Variants in CCL28 observed in about 807,000 individuals in gnomAD.
The protein encoded by CCL28 is C-C motif chemokine 28.
Under a neutral mutation model 7.1 loss-of-function variants are expected in CCL28, and 4 were observed. The observed-to-expected ratio is 0.56, with a 90% CI of 0.28 to 1.29. CCL28 has a LOEUF of 1.29. CCL28 is among the 50% of genes most tolerant of loss of function. The pLI is 0.11. For missense variants in CCL28, 151 were observed against 163.4 expected, an observed-to-expected ratio of 0.92 and a Z score of 0.41; for synonymous variants, 55 against 57.8, an observed-to-expected ratio of 0.95 and a Z score of 0.22.
the CCL28 span, among the ~76,000 whole-genome samples, chr5:43,369,432 T>C: frequency 9.6e-4 from 145 of 151,370 alleles, 1 homozygote; most frequent in Non-Finnish European, 1.8e-3. Context: ...TTTCTTTTCT[T>C]TTCTGTTTTT....
chr5:43,370,009 C>CA, the CCL28 span, among the ~76,000 whole-genome samples: 1 of 152,120 alleles, frequency 6.6e-6, no homozygotes, highest in Non-Finnish European at 1.5e-5. Flanking sequence ...CCTGTGATCC[C>CA]AGCACCCTGT....
At chr5:43,357,684 G>C in the CCL28 span, among the ~76,000 whole-genome samples, 12 of 151,922 alleles carry the variant, frequency 7.9e-5, no homozygotes, top group East Asian at 1.5e-3. Flanking sequence ...TGAAAGAAAG[G>C]GGGGGAAAAA....
the CCL28 span, among the ~76,000 whole-genome samples, chr5:43,366,653 C>T: frequency 2.9e-3 from 442 of 152,344 alleles, no homozygotes; most frequent in Non-Finnish European, 5.1e-3. Context: ...GCAGTCTGTC[C>T]CTTAGCAGAG....
the CCL28 span, among the ~76,000 whole-genome samples, chr5:43,365,096 C>T: frequency 6.6e-6 from 1 of 151,222 alleles, no homozygotes; most frequent in African/African-American, 2.4e-5. Flanking sequence ...CCTCTGACTC[C>T]CTGGTTCAAG....
chr5:43,377,583 T>C (rs1739931167), downstream of CCL28: 1 of 151,060 alleles, frequency 6.6e-6, no homozygotes, highest in Non-Finnish European at 1.5e-5. Context: ...TATTGAAAGT[T>C]ACAGAGATAA....
intron 1 of CCL28, among the ~76,000 whole-genome samples, chr5:43,398,928 G>C (rs6862588): frequency 0.12 from 17,617 of 152,116 alleles, 2,161 homozygotes; most frequent in African/African-American, 0.31. Context: ...TTAGCATTCT[G>C]AAAGTGCCAT....
intron 1 of CCL28, among the ~76,000 whole-genome samples, chr5:43,400,119 T>C (rs986322146): frequency 6.6e-6 from 1 of 152,174 alleles, no homozygotes; most frequent in African/African-American, 2.4e-5. Flanking sequence ...GTGCTAGGAT[T>C]ATAGGCATGA....
chr5:43,365,665 T>C, the CCL28 span, among the ~76,000 whole-genome samples: 5 of 152,212 alleles, frequency 3.3e-5, no homozygotes, highest in African/African-American at 1.2e-4. Context: ...AGAGTATCTT[T>C]CTGGTGTTCT....
At chr5:43,403,706 T>G (rs1487948172) in intron 1 of CCL28, among the ~76,000 whole-genome samples, 1 of 152,110 alleles carries the variant, frequency 6.6e-6, no homozygotes, top group Non-Finnish European at 1.5e-5. Flanking sequence ...ATGATCAAAC[T>G]ACTCCGAGCT....
chr5:43,367,656 C>A, the CCL28 span, among the ~76,000 whole-genome samples: 1 of 151,176 alleles, frequency 6.6e-6, no homozygotes, highest in Admixed American at 6.6e-5. Context: ...CTGGGAGATG[C>A]AGGCCCCACC....
intron 1 of CCL28, among the ~76,000 whole-genome samples, chr5:43,388,900 C>T (rs1305381814): frequency 6.6e-6 from 1 of 152,164 alleles, no homozygotes; most frequent in East Asian, 1.9e-4. Context: ...ATAATCTGTC[C>T]TTGTGATGCT....
chr5:43,379,122 G>A (rs530401416), downstream of CCL28: 2 of 152,176 alleles, frequency 1.3e-5, no homozygotes, highest in Admixed American at 1.3e-4. Context: ...TAGAATTGCA[G>A]ATCGATCTAG....
chr5:43,357,386 A>G, the CCL28 span, among the ~76,000 whole-genome samples: 1 of 152,218 alleles, frequency 6.6e-6, no homozygotes, highest in Admixed American at 6.5e-5. Flanking sequence ...TATACAGCAG[A>G]CCATCGTAAT....
rs938639226 is a variant in CCL28 at position 43,381,069 on chromosome 5, A to T, written c.*791T>A. ...AATGTCTTTATTTTAGGGTATGTCA[A>T]GTTATAACACCAAAAAGAAACTAGG... On this transcript the variant is annotated 3_prime_UTR_variant, in exon 3 of 3. Transcript: ENST00000361115. 6.6e-6 allele frequency: 1 copy of T among 150,520 alleles called. No individual in the cohort carries two copies. Among genetic ancestry groups the T allele is most frequent in the South Asian group, 2.1e-4 (1 of 4,796 alleles). 9.3% of individuals were successfully genotyped at this position (150,520 alleles called of 1,614,324 possible).
At chr5:43,410,229 A>G (rs1741481303) in intron 1 of CCL28, among the ~76,000 whole-genome samples, 1 of 152,076 alleles carries the variant, frequency 6.6e-6, no homozygotes, top group Admixed American at 6.5e-5. Flanking sequence ...CCCTCCCTGG[A>G]GCCAGAATCA....
At chr5:43,393,889 C>T (rs1410436504) in intron 1 of CCL28, among the ~76,000 whole-genome samples, 1 of 152,106 alleles carries the variant, frequency 6.6e-6, no homozygotes, top group East Asian at 1.9e-4. Flanking sequence ...AAGGTGTGAC[C>T]CTTTTATCTT....
At chr5:43,399,051 C>T (rs1275887450) in intron 1 of CCL28, among the ~76,000 whole-genome samples, 1 of 152,130 alleles carries the variant, frequency 6.6e-6, no homozygotes, top group African/African-American at 2.4e-5. Context: ...GTGTATCCAC[C>T]TGCCATTGAA....
chr5:43,384,742 AC>A, intron 2 of CCL28, among the ~76,000 whole-genome samples: 1 of 152,080 alleles, frequency 6.6e-6, no homozygotes, highest in Non-Finnish European at 1.5e-5. Flanking sequence ...TATCCCTTAA[AC>A]TTTATTTCTT....
chr5:43,385,627 C>T (rs1740306963), intron 2 of CCL28, among the ~76,000 whole-genome samples: 1 of 152,118 alleles, frequency 6.6e-6, no homozygotes, highest in African/African-American at 2.4e-5. Context: ...CAGACAGGAT[C>T]TGTAATTTAT....
Sources: allele counts gnomAD v4.1 joint callset (sites outside exome capture counted in the v4.1 genomes callset), GRCh38; gene constraint gnomAD v4.1.1; transcripts MANE v1.5; gene names NCBI Gene and HGNC (gene_info 2026-07-23, HGNC 2026-07-21).